Variants in COL12A1 observed in about 807,000 individuals in gnomAD.
COL12A1 encodes collagen alpha-1(XII) chain.
Under a neutral mutation model 349.7 loss-of-function variants are expected in COL12A1, and 114 were observed. That is an observed-to-expected ratio of 0.33 (90% CI 0.28 to 0.38). COL12A1 has a LOEUF of 0.38. COL12A1 is among the 10% of genes least tolerant of loss of function. The probability of loss-of-function intolerance (pLI) is 1.00; values close to 1 mark genes in which losing one functional copy is unlikely to be tolerated. For synonymous variants in COL12A1, 1,369 were observed against 1,329.0 expected, an observed-to-expected ratio of 1.03 and a Z score of -0.66; for missense variants, 3,284 against 3,756.9, an observed-to-expected ratio of 0.87 and a Z score of 3.29.
chr6:75,138,617 G>T (rs1164749753), intron 28 of COL12A1, 37 bp from the exon 29 acceptor site: 1 of 1,608,664 alleles, frequency 6.2e-7, no homozygotes, highest in Non-Finnish European at 8.5e-7. Context: ...CCACGCAAAA[G>T]TAAGTCTCCA....
intron 26 of COL12A1, 61 bp downstream of exon 26, chr6:75,143,191 T>C (rs1766999829): frequency 6.3e-7 from 1 of 1,586,550 alleles, no homozygotes. Flanking sequence ...TTGATAAAGT[T>C]CTTTTTTTAA....
At chr6:75,156,895 T>G (rs1163032617) in intron 14 of COL12A1, among the ~76,000 whole-genome samples, 2 of 152,308 alleles carry the variant, frequency 1.3e-5, no homozygotes, top group Middle Eastern at 3.4e-3. Context: ...ATACTAAAAA[T>G]TATGAATGCA....
intron 14 of COL12A1, among the ~76,000 whole-genome samples, chr6:75,159,504 G>C (rs1330747905): frequency 2.0e-5 from 3 of 148,468 alleles, no homozygotes; most frequent in Non-Finnish European, 4.5e-5. Context: ...CTTTTACCTG[G>C]AGTTTTGAAA....
At chr6:75,141,334 T>A (rs939463685) in intron 27 of COL12A1, among the ~76,000 whole-genome samples, 1 of 152,140 alleles carries the variant, frequency 6.6e-6, no homozygotes. Flanking sequence ...GGAAGTAGAA[T>A]CCATAGCAAA....
At position 75,156,539 on chromosome 6, in the gene COL12A1, A is replaced by C; in HGVS notation, c.2984-16T>G. On this transcript the variant is annotated splice_polypyrimidine_tract_variant and intron_variant, in intron 14 of 65. Coordinates refer to ENST00000322507, the MANE Select transcript of COL12A1 (RefSeq NM_004370.6). ...TCTTGAGATACTGGGAGATAAAAGG[A>C]AGATTAAACTGTATACCATGTTGAA... The C allele has an allele frequency of 6.2e-7, 1 of 1,611,866 alleles. No individual in the cohort carries two copies. Among genetic ancestry groups the C allele is most frequent in the Non-Finnish European group, 8.5e-7 (1 of 1,178,714 alleles).
chr6:75,120,910 C>T (rs1214476063), intron 44 of COL12A1, among the ~76,000 whole-genome samples: 1 of 152,178 alleles, frequency 6.6e-6, no homozygotes, highest in Non-Finnish European at 1.5e-5. Flanking sequence ...AAGTTCCACA[C>T]ACCCACTCCA....
intron 14 of COL12A1, among the ~76,000 whole-genome samples, chr6:75,159,124 TA>T (rs1285023244): frequency 1.3e-5 from 2 of 151,752 alleles, no homozygotes; most frequent in Non-Finnish European, 2.9e-5. Flanking sequence ...AAAGCAGCCA[TA>T]TTTTTTTAAA....
At chr6:75,162,428 A>C (rs1484006416) in intron 14 of COL12A1, among the ~76,000 whole-genome samples, 1 of 152,240 alleles carries the variant, frequency 6.6e-6, no homozygotes, top group East Asian at 1.9e-4. Flanking sequence ...CCTATTTAAT[A>C]AATGGTGTTG....
At chr6:75,130,264 GC>G in intron 36 of COL12A1, 31 bp from the exon 37 acceptor site, 4 of 1,606,058 alleles carry the variant, frequency 2.5e-6, no homozygotes, top group Middle Eastern at 3.5e-4. Flanking sequence ...AGAGTTTGTT[GC>G]CTGCCTGTGA....
intron 59 of COL12A1, among the ~76,000 whole-genome samples, chr6:75,095,654 T>C (rs1048998140): frequency 7.3e-6 from 1 of 136,196 alleles, no homozygotes; most frequent in African/African-American, 2.8e-5. Context: ...AAAAAAAAGA[T>C]AACATGAAAT....
Position 75,119,378 on chromosome 6 carries a change from A to G in COL12A1, c.7182T>C (p.Ile2394=). Residue 2394 remains isoleucine (I), a synonymous_variant, in exon 45 of 66, where the codon ATT becomes ATC. Transcript: ENST00000322507. The part of the protein sequence containing the change: ...KALALGALQN[I]RYRGGNTRTG... ...TTCTTGTGTTTCCTCCTCTGTACCT[A>G]ATATTCTGGAGGGCCCCAAGGGCTA... 6.2e-7 allele frequency: 1 copy of G among 1,613,816 alleles called. No homozygotes were observed. The highest frequency in any genetic ancestry group is 2.2e-5 in the East Asian group (1 of 44,880).
chr6:75,143,658 T>C (rs1767029210), intron 25 of COL12A1, among the ~76,000 whole-genome samples: 1 of 152,248 alleles, frequency 6.6e-6, no homozygotes, highest in African/African-American at 2.4e-5. Context: ...TCCACATTAT[T>C]TAAATAATCT....
intron 2 of COL12A1, among the ~76,000 whole-genome samples, chr6:75,202,162 C>A (rs556182952): frequency 3.3e-5 from 5 of 152,252 alleles, no homozygotes; most frequent in Admixed American, 1.3e-4. Context: ...GCCATCATCC[C>A]CCAGGCTGCT....
At position 75,151,898 on chromosome 6, in the gene COL12A1, G is replaced by A; in HGVS notation, c.3969C>T (p.Leu1323=). 6.2e-7 allele frequency: 1 copy of A among 1,613,674 alleles called. No individual in the cohort carries two copies. The highest frequency in any genetic ancestry group is 1.7e-5 in the Admixed American group (1 of 59,984). ...QDDVEAPSKK[L]KDEGVELFAI... ...CAAACAGCTCCACTCCCTCATCCTT[G>A]AGTTTCTTTGAAGGTGCTTCAACAT... Residue 1323 remains leucine (L), a synonymous_variant, in exon 20 of 66, where the codon CTC becomes CTT. Transcript: ENST00000322507.
chr6:75,189,643 C>G lies in COL12A1; in HGVS notation c.567G>C (p.Arg189Ser). 2 of 1,613,236 alleles carry G rather than the reference C, an allele frequency of 1.2e-6. No individual in the cohort carries two copies. Among genetic ancestry groups the G allele is most frequent in the Non-Finnish European group, 1.7e-6 (2 of 1,179,436 alleles). The change falls in exon 6 of 66, where the codon AGG becomes AGC. Residue 189 changes from arginine (R) to serine (S), a missense_variant. Physicochemically the swap from Arg to Ser is moderately radical, Grantham distance 110. This residue lies in a region of COL12A1 where 2,601 missense variants were observed against 2,824.8 expected (regional missense o/e 0.92). Coordinates refer to ENST00000322507, the MANE Select transcript of COL12A1 (RefSeq NM_004370.6). Reference protein sequence around the residue: ...VGVVQYSSDTRTEFNLNQYYQ... With the variant: ...VGVVQYSSDTSTEFNLNQYYQ... ...AGTACTGATTTAAGTTAAATTCAGTCCTGGTATCAGAGCTGTATTGAACAA... is the reference window on the plus strand; with the variant it reads ...AGTACTGATTTAAGTTAAATTCAGTGCTGGTATCAGAGCTGTATTGAACAA...
At chr6:75,110,303 T>C (rs1768769828) in intron 51 of COL12A1, among the ~76,000 whole-genome samples, 2 of 152,040 alleles carry the variant, frequency 1.3e-5, no homozygotes. Flanking sequence ...CCAGAAAAAT[T>C]ATTTCAAAAT....
intron 57 of COL12A1, 94 bp from the exon 58 acceptor site, chr6:75,101,747 A>G: frequency 7.3e-7 from 1 of 1,376,352 alleles, no homozygotes; most frequent in African/African-American, 1.5e-5. Context: ...TTTTAATTCC[A>G]GAGACTCTGA....
chr6:75,115,854 C>G lies in COL12A1; in HGVS notation c.7627G>C (p.Glu2543Gln), dbSNP rs1361188088. 1 of 1,613,664 alleles carries G rather than the reference C, an allele frequency of 6.2e-7. No homozygotes were observed. Among genetic ancestry groups the G allele is most frequent in the Non-Finnish European group, 8.5e-7 (1 of 1,179,700 alleles). ...GAGTAGCTGGGGAAAGACCCTGACT[C>G]CAAAGATACTCCTTGTACAGAAGCA... ...NFASVQGVSL[E>Q]SGSFPSYSAY... The change falls in exon 49 of 66, where the codon GAG becomes CAG. Residue 2543 changes from glutamate (E) to glutamine (Q), a missense_variant. By Grantham distance (29) the Glu-to-Gln change is conservative (BLOSUM62 2). Coordinates refer to ENST00000322507, the MANE Select transcript of COL12A1 (RefSeq NM_004370.6).
rs763927693 is a variant in COL12A1, at chr6:75,125,173, T to C, written c.6561A>G (p.Gln2187=). The change falls in exon 40 of 66, where the codon CAA becomes CAG. Residue 2187 remains glutamine (Q), a synonymous_variant. Transcript: ENST00000322507. ...AGGGGACACTGAGTCCAGAATCATA[T>C]TGAGCATAAACATTCACATCGTAGG... ...STTYDVNVYA[Q]YDSGLSVPLT... The C allele has an allele frequency of 6.2e-6, 10 of 1,612,492 alleles. No individual in the cohort carries two copies. Among genetic ancestry groups the C allele is most frequent in the South Asian group, 4.4e-5 (4 of 90,826 alleles).
Sources: allele counts gnomAD v4.1 joint callset (sites outside exome capture counted in the v4.1 genomes callset), GRCh38; gene constraint gnomAD v4.1.1; regional missense constraint gnomAD v4.1.1; transcripts MANE v1.5; gene names NCBI Gene and HGNC (gene_info 2026-07-23, HGNC 2026-07-21).